The following FER1L6 variants were observed in gnomAD, a reference collection of about 807,000 sequenced individuals.
The protein encoded by FER1L6 is fer-1-like protein 6.
A neutral mutation model predicts 219.2 loss-of-function variants in FER1L6; 177 were observed. The observed-to-expected ratio is 0.81, with a 90% confidence interval of 0.71 to 0.91. FER1L6 has a LOEUF of 0.91. FER1L6 is among the 40% of genes least tolerant of loss of function. The pLI, the probability that FER1L6 is intolerant of heterozygous loss-of-function variation, is 0.00. For synonymous variants in FER1L6, 768 were observed against 824.3 expected (o/e 0.93, Z 1.17); for missense variants, 2,153 against 2,259.9 (o/e 0.95, Z 0.96).
At chr8:123,976,737 A>G (rs779742693) in intron 9 of FER1L6, among the ~76,000 whole-genome samples, 71 of 152,124 alleles carry the variant, frequency 4.7e-4, no homozygotes, top group Non-Finnish European at 8.4e-4. Flanking sequence ...CAATCTCCCC[A>G]GGTAGTCCTT....
intron 11 of FER1L6, chr8:123,984,727 C>G (rs1816488642): frequency 6.6e-6 from 1 of 152,212 alleles, no homozygotes; most frequent in African/African-American, 2.4e-5. Context: ...AAGACTGGCA[C>G]CACAGCAGCT....
intron 1 of FER1L6, among the ~76,000 whole-genome samples, chr8:123,930,531 A>T (rs1813727894): frequency 6.6e-6 from 1 of 152,192 alleles, no homozygotes; most frequent in African/African-American, 2.4e-5. Flanking sequence ...GGCAGGACTT[A>T]ATGGTGAGCA....
intron 1 of FER1L6, among the ~76,000 whole-genome samples, chr8:123,897,973 A>G (rs1812774363): frequency 6.6e-6 from 1 of 152,160 alleles, no homozygotes; most frequent in Non-Finnish European, 1.5e-5. Flanking sequence ...TTCCGTTCCA[A>G]TTTAACTTTA....
chr8:124,057,676 G>T (rs1820366170), intron 22 of FER1L6, among the ~76,000 whole-genome samples: 1 of 151,796 alleles, frequency 6.6e-6, no homozygotes, highest in South Asian at 2.1e-4. Context: ...CAGATACTCT[G>T]TGCCTCTTCT....
In FER1L6 at chr8:124,010,607, T is replaced by C. The variant is rs1017768558; in HGVS notation, c.1714T>C (p.Leu572=). 6.2e-7 allele frequency: 1 copy of C among 1,613,878 alleles called. No homozygotes were observed. The highest frequency in any genetic ancestry group is 1.3e-5 in the African/African-American group (1 of 74,930). ...VTEGNRNYNY[L]PFEAKKPCVY... ...TTGTTTTCACAGGAATTACAACTAT[T>C]TGCCATTTGAGGCTAAGAAGCCCTG... The change falls in exon 14 of 41, where the codon TTG becomes CTG. Residue 572 remains leucine, a synonymous_variant. Transcript: ENST00000522917.
chr8:124,058,204 T>C lies in FER1L6; in HGVS notation c.2875-1976T>C, dbSNP rs187029967. On this transcript the variant is annotated intron_variant, in intron 22 of 40. Transcript: ENST00000522917. The stretch of plus-strand genomic sequence containing the variant: ...CAGATGGGCAGGGCTGGGACTAGGG[T>C]CATGCATGACCCTAAGAGTGAGTGC... Among the ~76,000 whole-genome samples, 65 of 151,708 alleles carry C rather than the reference T, an allele frequency of 4.3e-4. 1 individual carries two copies. Among genetic ancestry groups the C allele is most frequent in the African/African-American group, 1.5e-3 (61 of 41,368 alleles).
rs757112120 is a variant in FER1L6 at position 123,986,145 on chromosome 8, A to C, written c.1488A>C (p.Gly496=). 6.2e-7 allele frequency: 1 copy of C among 1,612,652 alleles called. No homozygotes were observed. Among genetic ancestry groups the C allele is most frequent in the Non-Finnish European group, 8.5e-7 (1 of 1,178,656 alleles). Residue 496 remains glycine (G), a synonymous_variant, in exon 12 of 41, where the codon GGA becomes GGC. Coordinates refer to ENST00000522917, the MANE Select transcript of FER1L6 (RefSeq NM_001039112.2). ...CTACCATGATTGACCGGAAGATTGG[A>C]GATAAACCCATCAGCTTTGAAGTTT... is the stretch of plus-strand genomic sequence containing the variant. ...FEATMIDRKI[G]DKPISFEVSI...
intron 39 of FER1L6, among the ~76,000 whole-genome samples, chr8:124,116,699 G>A (rs185319646): frequency 5.3e-5 from 8 of 152,286 alleles, no homozygotes; most frequent in Admixed American, 2.6e-4. Context: ...CCTAGCAATC[G>A]GTTAGCTCCT....
chr8:123,969,831 C>T (rs1331731940), intron 5 of FER1L6, among the ~76,000 whole-genome samples: 1 of 145,444 alleles, frequency 6.9e-6, no homozygotes, highest in Non-Finnish European at 1.5e-5. Flanking sequence ...TGTGCCACTG[C>T]ACTCCAACCT....
chr8:123,926,444 G>A (rs964900751), intron 1 of FER1L6, among the ~76,000 whole-genome samples: 2 of 152,212 alleles, frequency 1.3e-5, no homozygotes, highest in Admixed American at 6.5e-5. Flanking sequence ...ATAGGGGAAA[G>A]GTTGGCCTGC....
intron 1 of FER1L6, among the ~76,000 whole-genome samples, chr8:123,888,732 G>A (rs999254592): frequency 7.2e-5 from 11 of 152,168 alleles, no homozygotes; most frequent in African/African-American, 1.9e-4. Flanking sequence ...GAACATGTTC[G>A]TAGACTGGTG....
At chr8:124,088,795 T>C (rs1347255656) in intron 33 of FER1L6, among the ~76,000 whole-genome samples, 1 of 152,088 alleles carries the variant, frequency 6.6e-6, no homozygotes, top group Non-Finnish European at 1.5e-5. Context: ...TAGAAATGTC[T>C]GGGAGCTGGG....
rs548635390 is a variant in FER1L6, at chr8:123,991,019, G to A, written c.1519+4843G>A. ...ATGCTTTGTCAAAATTCAGTTGGTG[G>A]TAAGTATTGGCTTTATTTCTGGGTT... On this transcript the variant is annotated intron_variant, in intron 12 of 40. Coordinates refer to ENST00000522917, the MANE Select transcript of FER1L6 (RefSeq NM_001039112.2). Among the ~76,000 whole-genome samples the A allele has an allele frequency of 3.3e-5, 5 of 152,232 alleles. No homozygotes were observed. In the East Asian group the frequency reaches 9.6e-4, roughly 29 times the overall value.
At chr8:124,062,399 C>T (rs1348036940) in intron 25 of FER1L6, among the ~76,000 whole-genome samples, 1 of 152,172 alleles carries the variant, frequency 6.6e-6, no homozygotes, top group Non-Finnish European at 1.5e-5. Flanking sequence ...CATCACTGGT[C>T]TATTCAAAGA....
chr8:123,956,200 C>A (rs1317124521), intron 2 of FER1L6, 126 bp downstream of exon 2: 2 of 839,524 alleles, frequency 2.4e-6, no homozygotes, highest in East Asian at 2.7e-5. Flanking sequence ...TGCCCCCGAC[C>A]CTTTAGGTCC....
At chr8:123,935,422 G>T (rs532680223) in intron 1 of FER1L6, among the ~76,000 whole-genome samples, 3 of 152,276 alleles carry the variant, frequency 2.0e-5, no homozygotes, top group Middle Eastern at 3.4e-3. Context: ...TGAACTAAGC[G>T]TCTAAGCTCT....
At position 123,856,316 on chromosome 8, in the gene FER1L6, G is replaced by GTATGTATATATA. The variant is rs1554608010; in HGVS notation, c.-8+4134_-8+4135insGTATATATATAT. On this transcript the variant is annotated intron_variant, in intron 1 of 40. Coordinates refer to ENST00000522917, the MANE Select transcript of FER1L6 (RefSeq NM_001039112.2). Reference sequence around the variant, plus strand: ...TGTATATATATATATATATGTATGTGTATATATATATATATATATATATAT... The same window carrying GTATGTATATATA: ...TGTATATATATATATATATGTATGTGTATGTATATATATATATATATATATATATATATATAT... Among the ~76,000 whole-genome samples, 38 of 45,088 alleles carry GTATGTATATATA rather than the reference G, an allele frequency of 8.4e-4. 7 individuals are homozygous for GTATGTATATATA. Among genetic ancestry groups the GTATGTATATATA allele is most frequent in the African/African-American group, 3.3e-3 (38 of 11,510 alleles). The allele number at this position is 45,088 out of a possible 152,430, so 29.6% of individuals were successfully genotyped here.
chr8:123,927,185 G>C lies in FER1L6; in HGVS notation c.-7-28807G>C, dbSNP rs185858718. Among the ~76,000 whole-genome samples, 177 of 149,570 alleles carry C rather than the reference G, an allele frequency of 1.2e-3. 1 individual carries two copies. Among genetic ancestry groups the C allele is most frequent in the Non-Finnish European group, 1.6e-3 (106 of 67,620 alleles). On this transcript the variant is annotated intron_variant, in intron 1 of 40. Transcript: ENST00000522917. ...AGGAAAAAAAAAAAAAAAAAGATGA[G>C]TCTCCTGGGAGCCTAGTTTTATGGC...
chr8:124,018,936 C>T (rs921089111), intron 16 of FER1L6, among the ~76,000 whole-genome samples: 3 of 152,202 alleles, frequency 2.0e-5, no homozygotes, highest in Non-Finnish European at 4.4e-5. Context: ...CTGGAACGAA[C>T]TCCACTTCTT....
Sources: gnomAD v4.1 joint callset for allele counts (sites outside exome capture counted in the v4.1 genomes callset) on GRCh38, gnomAD v4.1.1 for gene constraint, MANE v1.5 for transcripts, NCBI Gene and HGNC (gene_info 2026-07-23, HGNC 2026-07-21) for gene names.